Variants in GRIA1 observed in about 807,000 individuals in gnomAD.
GRIA1 encodes the protein glutamate receptor 1.
Under a neutral mutation model 99.2 loss-of-function variants are expected in GRIA1, and 31 were observed. The ratio of observed to expected loss-of-function variants is 0.31; its 90% CI spans 0.23 to 0.42. The LOEUF (loss-of-function observed/expected upper bound fraction) is 0.42, where lower values mean the gene tolerates loss of function less well. GRIA1 is among the 10% of genes least tolerant of loss of function. GRIA1 has a pLI of 1.00. For synonymous variants in GRIA1, 438 were observed against 432.4 expected (o/e 1.01, Z -0.16); for missense variants, 782 against 1,157.5 (o/e 0.68, Z 4.71).
intron 2 of GRIA1, among the ~76,000 whole-genome samples, chr5:153,594,700 G>C (rs887151400): frequency 6.6e-6 from 1 of 152,034 alleles, no homozygotes; most frequent in African/African-American, 2.4e-5. Context: ...TCTTCTGCAT[G>C]CAAGTAGGAA....
chr5:153,629,046 A>C (rs1342968596), intron 2 of GRIA1, among the ~76,000 whole-genome samples: 1 of 152,172 alleles, frequency 6.6e-6, no homozygotes, highest in African/African-American at 2.4e-5. Context: ...CAGGAAGAAA[A>C]TTGTCAAGTT....
At chr5:153,545,439 A>T (rs1486381949) in intron 2 of GRIA1, among the ~76,000 whole-genome samples, 1 of 152,146 alleles carries the variant, frequency 6.6e-6, no homozygotes, top group East Asian at 1.9e-4. Flanking sequence ...TTAAGATGGC[A>T]TGGCAGTCTG....
At chr5:153,627,645 G>A (rs565435946) in intron 2 of GRIA1, among the ~76,000 whole-genome samples, 1 of 152,336 alleles carries the variant, frequency 6.6e-6, no homozygotes, top group Admixed American at 6.5e-5. Context: ...TCTACTGGAG[G>A]AGAGAGGACA....
chr5:153,723,675 G>T (rs916728649), intron 11 of GRIA1, among the ~76,000 whole-genome samples: 1 of 152,158 alleles, frequency 6.6e-6, no homozygotes, highest in Admixed American at 6.5e-5. Context: ...CTGCAAGGCG[G>T]CAGCAAGGCT....
At chr5:153,585,780 C>T (rs1763433315) in intron 2 of GRIA1, among the ~76,000 whole-genome samples, 1 of 152,134 alleles carries the variant, frequency 6.6e-6, no homozygotes, top group South Asian at 2.1e-4. Context: ...AGCACAAAAT[C>T]TTTTTCAGCA....
chr5:153,511,509 C>G (rs1003768526), intron 2 of GRIA1, among the ~76,000 whole-genome samples: 11 of 152,154 alleles, frequency 7.2e-5, no homozygotes, highest in African/African-American at 2.7e-4. Context: ...TTTTTTGAAA[C>G]AAGAACTCAA....
intron 13 of GRIA1, among the ~76,000 whole-genome samples, chr5:153,774,897 TACTC>T (rs1464246740): frequency 6.6e-6 from 1 of 152,194 alleles, no homozygotes; most frequent in Non-Finnish European, 1.5e-5. Flanking sequence ...TGGAAACAAA[TACTC>T]TGATGAAGCA....
rs1178062470 is a variant in GRIA1 at position 153,595,519 on chromosome 5, T to C, written c.221-51409T>C. On this transcript the variant is annotated intron_variant, in intron 2 of 15. Transcript: ENST00000285900. ...ACTCTACCTCTTTGAGGGCAGAGTG[T>C]CTATGTAAATTATTTCAAATTATTC... is the stretch of plus-strand genomic sequence containing the variant. Among the ~76,000 whole-genome samples the C allele has an allele frequency of 3.9e-5, 6 of 152,222 alleles. No homozygotes were observed. The East Asian group carries it at 1.2e-3, about 29-fold the overall frequency.
intron 11 of GRIA1, among the ~76,000 whole-genome samples, chr5:153,753,195 T>A (rs1275488234): frequency 6.6e-6 from 1 of 152,226 alleles, no homozygotes; most frequent in African/African-American, 2.4e-5. Context: ...TCTACAGAAC[T>A]GTGAGATAAT....
chr5:153,762,549 G>A (rs905802325), intron 11 of GRIA1, among the ~76,000 whole-genome samples: 2 of 152,156 alleles, frequency 1.3e-5, no homozygotes, highest in African/African-American at 4.8e-5. Context: ...TTGCTTGACT[G>A]CTTAATGGAA....
At chr5:153,802,330 C>T in intron 14 of GRIA1, 26 bp from the exon 15 acceptor site, 1 of 1,612,454 alleles carries the variant, frequency 6.2e-7, no homozygotes, top group Non-Finnish European at 8.5e-7. Context: ...TCCCCCTCCC[C>T]TTCCTTTCCC....
chr5:153,723,223 C>A (rs1760209486), intron 11 of GRIA1, among the ~76,000 whole-genome samples: 1 of 152,170 alleles, frequency 6.6e-6, no homozygotes, highest in Non-Finnish European at 1.5e-5. Flanking sequence ...CTGTGGGTTG[C>A]ATCATCATAT....
chr5:153,693,190 A>C (rs1020703274), intron 8 of GRIA1, among the ~76,000 whole-genome samples: 2 of 152,170 alleles, frequency 1.3e-5, no homozygotes, highest in African/African-American at 4.8e-5. Context: ...GATAGGAATG[A>C]AAGAAAATGG....
intron 2 of GRIA1, among the ~76,000 whole-genome samples, chr5:153,503,574 A>G (rs1452507056): frequency 6.6e-6 from 1 of 152,224 alleles, no homozygotes; most frequent in African/African-American, 2.4e-5. Context: ...TTACCCATAA[A>G]TGAATCTATT....
At chr5:153,778,559 G>A (rs1210871216) in intron 13 of GRIA1, among the ~76,000 whole-genome samples, 4 of 151,626 alleles carry the variant, frequency 2.6e-5, no homozygotes, top group Admixed American at 2.6e-4. Context: ...TCACCCATTA[G>A]GCAAGAATGC....
chr5:153,647,053 G>C lies in GRIA1; in HGVS notation c.346G>C (p.Asp116His). 6.2e-7 allele frequency: 1 copy of C among 1,613,932 alleles called. No homozygotes were observed. Among genetic ancestry groups the C allele is most frequent in the Non-Finnish European group, 8.5e-7 (1 of 1,179,906 alleles). Reference sequence around the variant, plus strand: ...CTTCATTACGCCGAGCTTTCCCGTTGATACATCCAATCAGTTTGTCCTTCA... The same window carrying C: ...CTTCATTACGCCGAGCTTTCCCGTTCATACATCCAATCAGTTTGTCCTTCA... ...VCFITPSFPV[D>H]TSNQFVLQLR... The change falls in exon 3 of 16, where the codon GAT becomes CAT. Residue 116 changes from aspartate to histidine, a missense_variant. Transcript: ENST00000285900.
Position 153,802,431 on chromosome 5 carries a change from A to T in GRIA1, c.2461A>T (p.Met821Leu), listed in dbSNP as rs1276604676. The T allele has an allele frequency of 3.7e-6, 6 of 1,613,904 alleles. No individual in the cohort carries two copies. The African/African-American group carries it at 4.0e-5, about 11-fold the overall frequency. ...YILIGGLGLA[M>L]LVALIEFCYK... ...CCTGATCGGAGGACTTGGACTAGCC[A>T]TGCTGGTTGCCTTAATCGAGTTCTG... Residue 821 changes from methionine (M) to leucine (L), a missense_variant, in exon 15 of 16, where the codon ATG becomes TTG. By Grantham distance (15) the Met-to-Leu change is conservative. Around this residue, in one of 5 missense-constraint regions of GRIA1, gnomAD observed 119 missense variants for 326.6 expected, o/e 0.36. Coordinates refer to ENST00000285900, the MANE Select transcript of GRIA1 (RefSeq NM_000827.4).
intron 2 of GRIA1, among the ~76,000 whole-genome samples, chr5:153,515,305 A>G (rs1337488059): frequency 6.6e-6 from 1 of 152,256 alleles, no homozygotes; most frequent in African/African-American, 2.4e-5. Context: ...TAAAAAAAGA[A>G]GAAAATTCTG....
chr5:153,765,275 A>G (rs12717883), intron 12 of GRIA1, among the ~76,000 whole-genome samples: 90,807 of 151,916 alleles, frequency 0.6, 27,881 homozygotes, highest in East Asian at 0.94. Context: ...CTTGTTCTGT[A>G]CACTTAGCCT....
Sources: gnomAD v4.1 joint callset for allele counts (sites outside exome capture counted in the v4.1 genomes callset) on GRCh38, gnomAD v4.1.1 for gene constraint, gnomAD v4.1.1 regional missense constraint, MANE v1.5 for transcripts, NCBI Gene and HGNC (gene_info 2026-07-23, HGNC 2026-07-21) for gene names.